PCDH1: variants seen among roughly 807,000 people sequenced by gnomAD.
PCDH1 encodes protocadherin-1.
Under a neutral mutation model 74.6 loss-of-function variants are expected in PCDH1, and 23 were observed. That is an observed-to-expected ratio of 0.31 (90% confidence interval 0.22 to 0.44). The LOEUF (loss-of-function observed/expected upper bound fraction) is 0.44. PCDH1 is among the 20% of genes least tolerant of loss of function. PCDH1 has a pLI of 1.00. For missense variants in PCDH1, 1,214 were observed against 1,641.4 expected (o/e 0.74, Z 4.50); for synonymous variants, 647 against 686.1 (o/e 0.94, Z 0.89).
At chr5:141,861,477 G>A (rs1193843389) in intron 3 of PCDH1, among the ~76,000 whole-genome samples, 1 of 152,130 alleles carries the variant, frequency 6.6e-6, no homozygotes, top group Admixed American at 6.5e-5. Flanking sequence ...AGATGAAGAC[G>A]CTAAAGGAAT....
At chr5:141,855,260 C>A (rs1230899881) in intron 4 of PCDH1, among the ~76,000 whole-genome samples, 1 of 152,132 alleles carries the variant, frequency 6.6e-6, no homozygotes, top group Non-Finnish European at 1.5e-5. Flanking sequence ...CAGGCATGAG[C>A]CACCAAGCCC....
Position 141,869,013 on chromosome 5 carries a change from C to T in PCDH1, c.459G>A (p.Glu153=), listed in dbSNP as rs759004050. Residue 153 remains glutamate, a synonymous_variant, in exon 2 of 5, where the codon GAG becomes GAA. Coordinates refer to ENST00000287008, the MANE Select transcript of PCDH1 (RefSeq NM_032420.5). This position sits in a 1 kb window ranked among gnomAD's most constrained non-coding sequence, Gnocchi z 4.9. ...TGATGTCTTGTACTTCTATCTGGCC[C>T]TCTAGCAGCCGGGGGCTGCCATTCT... ...LVQNGSPRLL[E]GQIEVQDIND... The T allele has an allele frequency of 6.2e-7, 1 of 1,614,114 alleles. No individual in the cohort carries two copies. Among genetic ancestry groups the T allele is most frequent in the East Asian group, 2.2e-5 (1 of 44,862 alleles).
intron 1 of PCDH1, among the ~76,000 whole-genome samples, chr5:141,874,042 G>A (rs1231752423): frequency 6.6e-6 from 1 of 152,218 alleles, no homozygotes; most frequent in African/African-American, 2.4e-5. Context: ...CTGGGGGAAA[G>A]AAACAGAAAT....
At chr5:141,877,179 G>A (rs1219059519) in intron 1 of PCDH1, among the ~76,000 whole-genome samples, 2 of 152,208 alleles carry the variant, frequency 1.3e-5, no homozygotes, top group African/African-American at 4.8e-5. Flanking sequence ...TTGTGTGTAT[G>A]CGCTGCAGGG....
At chr5:141,858,916 G>C (rs1277897965) in intron 3 of PCDH1, among the ~76,000 whole-genome samples, 4 of 152,124 alleles carry the variant, frequency 2.6e-5, no homozygotes, top group Non-Finnish European at 5.9e-5. Context: ...AAGGCAGCTA[G>C]GGTGGAAGAG....
Position 141,865,859 on chromosome 5 carries a change from G to A in PCDH1, c.904-432C>T, listed in dbSNP as rs72794085. Among the ~76,000 whole-genome samples the A allele has an allele frequency of 0.16, 24,800 of 152,134 alleles. 2,390 individuals are homozygous for A. Among genetic ancestry groups the A allele is most frequent in the Non-Finnish European group, 0.22 (15,072 of 67,934 alleles). Reference sequence around the variant, plus strand: ...AGTAGTAGAGGCGGTGTGTGTGCCCGTGTGAATGTGCACTACATGCACGCA... The same window carrying A: ...AGTAGTAGAGGCGGTGTGTGTGCCCATGTGAATGTGCACTACATGCACGCA... On this transcript the variant is annotated intron_variant, in intron 2 of 4. Transcript: ENST00000287008. This position sits in a 1 kb window ranked among gnomAD's most constrained non-coding sequence, Gnocchi z 4.4.
chr5:141,868,616 C>T lies in PCDH1; in HGVS notation c.856G>A (p.Glu286Lys). The change falls in exon 2 of 5, where the codon GAG becomes AAG. Residue 286 changes from glutamate (E) to lysine (K), a missense_variant. Coordinates refer to ENST00000287008, the MANE Select transcript of PCDH1 (RefSeq NM_032420.5). This position sits in a 1 kb window ranked among gnomAD's most constrained non-coding sequence, Gnocchi z 4.8. ...GGGCTATTCTCAGATAGTTCGGCCTCATAGGAGGGCCGCTCAAACTTGGGG... is the reference window on the plus strand; with the variant it reads ...GGGCTATTCTCAGATAGTTCGGCCTTATAGGAGGGCCGCTCAAACTTGGGG... Reference protein sequence around the residue: ...NAPKFERPSYEAELSENSPIG... With the variant: ...NAPKFERPSYKAELSENSPIG... The T allele has an allele frequency of 6.3e-7, 1 of 1,585,972 alleles. No homozygotes were observed. The highest frequency in any genetic ancestry group is 8.6e-7 in the Non-Finnish European group (1 of 1,165,392).
At chr5:141,874,868 T>TG (rs1466501261) in intron 1 of PCDH1, among the ~76,000 whole-genome samples, 1 of 151,718 alleles carries the variant, frequency 6.6e-6, no homozygotes, top group Non-Finnish European at 1.5e-5. Context: ...TGGGGTTGCG[T>TG]GGGGTGGAGC....
Position 141,865,178 on chromosome 5 carries a change from G to A in PCDH1, c.1153C>T (p.Pro385Ser). The change falls in exon 3 of 5, where the codon CCC becomes TCC. Residue 385 changes from proline (P) to serine (S), a missense_variant. Coordinates refer to ENST00000287008, the MANE Select transcript of PCDH1 (RefSeq NM_032420.5). The surrounding 1 kb of genome is among the most constrained non-coding windows in gnomAD (Gnocchi z 4.4). ...CCTATGCCCCGGATCTCAATGGTGG[G>A]GGCATTGTCATTCATGTCCTTCACG... ...VTVKDMNDNA[P>S]TIEIRGIGLV... The A allele has an allele frequency of 6.2e-7, 1 of 1,614,118 alleles. No individual in the cohort carries two copies. Among genetic ancestry groups the A allele is most frequent in the Non-Finnish European group, 8.5e-7 (1 of 1,180,018 alleles).
intron 1 of PCDH1, among the ~76,000 whole-genome samples, chr5:141,872,135 C>T (rs112297091): frequency 2.5e-4 from 37 of 145,862 alleles, no homozygotes; most frequent in African/African-American, 7.9e-4. Context: ...CCCACCCCCC[C>T]CCTCCACCTG....
chr5:141,871,078 G>A (rs937280228), intron 1 of PCDH1, among the ~76,000 whole-genome samples: 9 of 152,192 alleles, frequency 5.9e-5, no homozygotes, highest in African/African-American at 1.4e-4. Flanking sequence ...GACACCGCCC[G>A]CCTGTGTTGT....
Position 141,865,517 on chromosome 5 carries a change from T to C in PCDH1, c.904-90A>G, listed in dbSNP as rs1226514892. ...GGGCACACATGCTGCCAATGTCCTT[T>C]CCAACAAGCATGGCAGACACAGCCA... On this transcript the variant is annotated intron_variant, in intron 2 of 4. Transcript: ENST00000287008. This position sits in a 1 kb window ranked among gnomAD's most constrained non-coding sequence, Gnocchi z 4.4. 1 of 1,411,898 alleles carries C rather than the reference T, an allele frequency of 7.1e-7. No individual in the cohort carries two copies. Among genetic ancestry groups the C allele is most frequent in the Non-Finnish European group, 9.7e-7 (1 of 1,035,926 alleles). The allele number at this position is 1,411,898 out of a possible 1,614,324, so 87.5% of individuals were successfully genotyped here.
intron 3 of PCDH1, chr5:141,862,946 A>G: frequency 1.6e-6 from 2 of 1,238,506 alleles, no homozygotes. Flanking sequence ...CATAAGGCCC[A>G]GTAGCTGGTC....
intron 4 of PCDH1, chr5:141,856,401 G>A: frequency 1.3e-6 from 1 of 791,456 alleles, no homozygotes; most frequent in Non-Finnish European, 2.1e-6. Flanking sequence ...CTGTGCCTGA[G>A]GCAGGGGAGT....
chr5:141,870,160 G>A (rs1354986788), intron 1 of PCDH1, among the ~76,000 whole-genome samples: 1 of 152,208 alleles, frequency 6.6e-6, no homozygotes, highest in Non-Finnish European at 1.5e-5. Context: ...AATTGGGCAA[G>A]GCTTGTGAAA....
intron 4 of PCDH1, 63 bp from the exon 5 acceptor site, chr5:141,854,499 T>G (rs1210170140): frequency 4.0e-6 from 6 of 1,507,312 alleles, no homozygotes; most frequent in Non-Finnish European, 5.3e-6. Flanking sequence ...CTCTGCTTCA[T>G]GGCCTCCCAC....
chr5:141,867,643 C>T (rs145421427), intron 2 of PCDH1: 18,466 of 444,850 alleles, frequency 0.042, 537 homozygotes, highest in Non-Finnish European at 0.06. Context: ...GCTGAAACTC[C>T]CACCCATCTC....
rs1451248058 is a variant in PCDH1, at chr5:141,878,081, C to T, written c.40+142G>A. 8.9e-6 allele frequency: 6 copies of T among 677,130 alleles called. No individual in the cohort carries two copies. The highest frequency in any genetic ancestry group is 3.0e-5 in the South Asian group (1 of 33,764). The allele number at this position is 677,130 out of a possible 1,614,324, so 41.9% of individuals were successfully genotyped here. A position where few individuals can be genotyped will look rare whatever the true frequency, so the allele number is the denominator to read the frequency against. Reference sequence around the variant, plus strand: ...ATCCCCTGCTATGGGCTCCCAGCAGCCCCCACCTCAGCCCCCTCGCGCCGA... The same window carrying T: ...ATCCCCTGCTATGGGCTCCCAGCAGTCCCCACCTCAGCCCCCTCGCGCCGA... On this transcript the variant is annotated intron_variant, in intron 1 of 4. Coordinates refer to ENST00000287008, the MANE Select transcript of PCDH1 (RefSeq NM_032420.5). The surrounding 1 kb of genome is among the most constrained non-coding windows in gnomAD (Gnocchi z 5.5).
rs1752656193 is a variant in PCDH1, at chr5:141,863,419, G to C, written c.2912C>G (p.Ser971Cys). The change falls in exon 3 of 5, where the codon TCT becomes TGT. Residue 971 changes from serine (S) to cysteine (C), a missense_variant. Transcript: ENST00000287008. The surrounding 1 kb of genome is among the most constrained non-coding windows in gnomAD (Gnocchi z 7.5). Reference sequence around the variant, plus strand: ...CTGGATGGAAGGCAGTGGGGAGTTAGAGCGATAGTGGCGGCCCAGGTCAGG... The same window carrying C: ...CTGGATGGAAGGCAGTGGGGAGTTACAGCGATAGTGGCGGCCCAGGTCAGG... ...GSPDLGRHYR[S>C]NSPLPSIQLQ... The C allele has an allele frequency of 1.9e-6, 3 of 1,562,246 alleles. No individual in the cohort carries two copies. Among genetic ancestry groups the C allele is most frequent in the African/African-American group, 2.7e-5 (2 of 73,728 alleles).
Sources: gnomAD v4.1 joint callset for allele counts (sites outside exome capture counted in the v4.1 genomes callset) on GRCh38, gnomAD v4.1.1 for gene constraint, Gnocchi (gnomAD v3.1) non-coding constraint, MANE v1.5 for transcripts, NCBI Gene and HGNC (gene_info 2026-07-23, HGNC 2026-07-21) for gene names.